Variants in GSG1L observed in about 807,000 individuals in gnomAD.
GSG1L encodes the protein GSG1 like.
A neutral mutation model predicts 42.1 loss-of-function variants in GSG1L; 24 were observed. The ratio of observed to expected loss-of-function variants is 0.57; its 90% CI spans 0.41 to 0.80. GSG1L has a LOEUF of 0.80. GSG1L is among the 30% of genes least tolerant of loss of function. The pLI is 0.00. For missense variants in GSG1L, 445 were observed against 472.2 expected (o/e 0.94, Z 0.53); for synonymous variants, 215 against 203.5 (o/e 1.06, Z -0.48).
chr16:27,817,954 A>C (rs745650012), intron 5 of GSG1L, among the ~76,000 whole-genome samples: 28 of 152,168 alleles, frequency 1.8e-4, no homozygotes, highest in Non-Finnish European at 2.6e-4. Context: ...TCTATCCTCC[A>C]GCCCAGTACT....
intron 1 of GSG1L, among the ~76,000 whole-genome samples, chr16:27,975,008 G>A (rs2085235245): frequency 6.6e-6 from 1 of 152,122 alleles, no homozygotes; most frequent in Non-Finnish European, 1.5e-5. Context: ...CCATAGAGGA[G>A]GAGCTGCCAT....
At chr16:27,814,100 C>T (rs2083065158) in intron 5 of GSG1L, among the ~76,000 whole-genome samples, 1 of 152,184 alleles carries the variant, frequency 6.6e-6, no homozygotes, top group Non-Finnish European at 1.5e-5. Context: ...TCTGCCTTCC[C>T]TAATACTTTT....
intron 3 of GSG1L, among the ~76,000 whole-genome samples, chr16:27,863,767 C>A (rs1348636442): frequency 6.6e-6 from 1 of 152,208 alleles, no homozygotes; most frequent in Admixed American, 6.5e-5. Context: ...GATCCAACAG[C>A]CCAAGGAGTT....
At chr16:27,832,663 C>T (rs79470090) in intron 4 of GSG1L, among the ~76,000 whole-genome samples, 3,020 of 152,268 alleles carry the variant, frequency 0.02, 98 homozygotes, top group African/African-American at 0.068. Flanking sequence ...TTCTGATAAA[C>T]GCGTAATAAT....
intron 2 of GSG1L, among the ~76,000 whole-genome samples, chr16:27,888,893 C>T (rs1185294361): frequency 2.0e-5 from 3 of 150,516 alleles, no homozygotes; most frequent in African/African-American, 4.9e-5. Context: ...GCAGGGATTA[C>T]AGGCCTGAGC....
At chr16:28,002,912 G>C (rs915866147) in intron 1 of GSG1L, among the ~76,000 whole-genome samples, 1 of 152,126 alleles carries the variant, frequency 6.6e-6, no homozygotes, top group Non-Finnish European at 1.5e-5. Context: ...CTCCAGCCTG[G>C]GTGACAGAGC....
chr16:27,910,055 G>A (rs192284451), intron 2 of GSG1L, among the ~76,000 whole-genome samples: 26 of 150,074 alleles, frequency 1.7e-4, no homozygotes, highest in Admixed American at 8.6e-4. Flanking sequence ...CACCTCCCAG[G>A]TCCAAGAGAT....
At chr16:27,925,498 A>G (rs1452074811) in intron 2 of GSG1L, among the ~76,000 whole-genome samples, 1 of 152,202 alleles carries the variant, frequency 6.6e-6, no homozygotes, top group Non-Finnish European at 1.5e-5. Context: ...GGTCATGGGA[A>G]GCCACTGAAG....
chr16:27,941,885 T>C (rs908650257), intron 2 of GSG1L, among the ~76,000 whole-genome samples: 10 of 152,110 alleles, frequency 6.6e-5, no homozygotes, highest in Non-Finnish European at 1.3e-4. Flanking sequence ...TTAGATGAGG[T>C]ACCCAAAGTA....
At chr16:27,967,448 CT>C (rs2085148045) in intron 1 of GSG1L, among the ~76,000 whole-genome samples, 1 of 152,190 alleles carries the variant, frequency 6.6e-6, no homozygotes, top group African/African-American at 2.4e-5. Flanking sequence ...CTGGCTTCCC[CT>C]GCCCCCGCCT....
chr16:27,960,883 G>A (rs935179488), intron 2 of GSG1L, among the ~76,000 whole-genome samples: 1 of 152,186 alleles, frequency 6.6e-6, no homozygotes, highest in African/African-American at 2.4e-5. Context: ...GAAGGTTCTC[G>A]GTGTGGCTGC....
At chr16:27,959,980 A>T (rs1175311076) in intron 2 of GSG1L, among the ~76,000 whole-genome samples, 6 of 152,190 alleles carry the variant, frequency 3.9e-5, no homozygotes, top group African/African-American at 1.4e-4. Context: ...GTGTGATGCT[A>T]TGGTAAGAAA....
At chr16:27,794,950 C>T (rs2082801779) in intron 6 of GSG1L, among the ~76,000 whole-genome samples, 1 of 152,006 alleles carries the variant, frequency 6.6e-6, no homozygotes, top group Non-Finnish European at 1.5e-5. Flanking sequence ...CTAGAGCTGG[C>T]AGCATTTGGA....
intron 1 of GSG1L, among the ~76,000 whole-genome samples, chr16:27,985,284 C>T (rs2085368742): frequency 6.6e-6 from 1 of 152,014 alleles, no homozygotes. Flanking sequence ...GGGGCAGATT[C>T]CTCATGAATG....
Position 27,856,160 on chromosome 16 carries a change from C to G in GSG1L, c.551-11099G>C, listed in dbSNP as rs190738661. 3.1e-3 allele frequency among the ~76,000 whole-genome samples: 474 copies of G among 152,154 alleles called. 5 individuals carry two copies. Among genetic ancestry groups the G allele is most frequent in the African/African-American group, 7.4e-3 (306 of 41,524 alleles). ...CTACCAGATGCCAGGAATGTGCACC[C>G]CCCCCCATCCCCACATACCCCAGTC... On this transcript the variant is annotated intron_variant, in intron 3 of 6. Coordinates refer to ENST00000447459, the MANE Select transcript of GSG1L (RefSeq NM_001109763.2).
At chr16:27,898,669 CCTCTTT>C (rs1007571835) in intron 2 of GSG1L, among the ~76,000 whole-genome samples, 1 of 131,476 alleles carries the variant, frequency 7.6e-6, no homozygotes, top group Non-Finnish European at 1.7e-5. Flanking sequence ...TCTCTTCCTC[CCTCTTT>C]CTCTCTCTCT....
intron 1 of GSG1L, among the ~76,000 whole-genome samples, chr16:27,979,104 T>G (rs2085284519): frequency 6.6e-6 from 1 of 152,068 alleles, no homozygotes; most frequent in South Asian, 2.1e-4. Context: ...CTAAGCCCTT[T>G]CCTTGCTTGC....
intron 1 of GSG1L, 105 bp downstream of exon 1, chr16:28,062,970 GC>G: frequency 8.3e-7 from 1 of 1,205,710 alleles, no homozygotes; most frequent in Non-Finnish European, 1.0e-6. Flanking sequence ...TGGGAGCTGG[GC>G]CCAGGCGGCG....
At chr16:27,966,813 T>C (rs1355675257) in intron 1 of GSG1L, among the ~76,000 whole-genome samples, 1 of 152,232 alleles carries the variant, frequency 6.6e-6, no homozygotes, top group Non-Finnish European at 1.5e-5. Context: ...AATTGCTACC[T>C]ACAAATTCAG....
Sources: allele counts gnomAD v4.1 joint callset (sites outside exome capture counted in the v4.1 genomes callset), GRCh38; gene constraint gnomAD v4.1.1; transcripts MANE v1.5; gene names NCBI Gene and HGNC (gene_info 2026-07-23, HGNC 2026-07-21).